The following SH3RF3 variants were observed in gnomAD, a reference collection of about 807,000 sequenced individuals.
The protein encoded by SH3RF3 is E3 ubiquitin-protein ligase SH3RF3.
Under a neutral mutation model 66.3 loss-of-function variants are expected in SH3RF3, and 29 were observed. That is an observed-to-expected ratio of 0.44 (90% CI 0.33 to 0.60). SH3RF3 has a LOEUF of 0.60. Ranked by LOEUF, SH3RF3 falls within the 20% of genes least tolerant of loss-of-function variation. The probability of loss-of-function intolerance (pLI) is 0.04; values close to 1 mark genes in which losing one functional copy is unlikely to be tolerated. For missense variants in SH3RF3, 1,194 were observed against 1,190.9 expected, an observed-to-expected ratio of 1.00 and a Z score of -0.04; for synonymous variants, 583 against 532.0, an observed-to-expected ratio of 1.10 and a Z score of -1.32.
chr2:109,347,566 C>T (rs1181864850), intron 1 of SH3RF3, 108 bp from the exon 2 acceptor site: 1 of 1,445,938 alleles, frequency 6.9e-7, no homozygotes, highest in Non-Finnish European at 9.3e-7. Context: ...TGTATGCACC[C>T]CCAGGACACA....
At chr2:109,442,449 A>G (rs1396569618) in intron 7 of SH3RF3, among the ~76,000 whole-genome samples, 1 of 152,218 alleles carries the variant, frequency 6.6e-6, no homozygotes, top group East Asian at 1.9e-4. Context: ...AACTACATAG[A>G]TAAATATATA....
intron 1 of SH3RF3, among the ~76,000 whole-genome samples, chr2:109,334,697 A>G (rs72939583): frequency 0.026 from 3,998 of 152,318 alleles, 121 homozygotes; most frequent in African/African-American, 0.065. Context: ...AGACACAGGG[A>G]GAAAAAGCTG....
At chr2:109,223,488 C>T (rs1442772288) in intron 1 of SH3RF3, among the ~76,000 whole-genome samples, 1 of 152,214 alleles carries the variant, frequency 6.6e-6, no homozygotes. Context: ...CTGCCCATGT[C>T]AGTCCTAGGT....
rs148709667 is a variant in SH3RF3 at position 109,129,714 on chromosome 2, C to T, written c.174C>T (p.Ser58=). 1,626 of 1,537,260 alleles carry T rather than the reference C, an allele frequency of 1.1e-3. 6 individuals are homozygous for T. Among genetic ancestry groups the T allele is most frequent in the South Asian group, 3.8e-3 (318 of 83,120 alleles). The stretch of plus-strand genomic sequence containing the variant: ...CGCTGCTGGACCTGCTGGAGTGCTC[C>T]GTGTGTCTGGAGCGCCTGGACACCA... ...ESSLLDLLEC[S]VCLERLDTTA... Residue 58 remains serine (S), a synonymous_variant, in exon 1 of 10, where the codon TCC becomes TCT. Coordinates refer to ENST00000309415, the MANE Select transcript of SH3RF3 (RefSeq NM_001099289.3).
intron 1 of SH3RF3, among the ~76,000 whole-genome samples, chr2:109,340,281 C>A (rs1360202622): frequency 2.6e-5 from 4 of 152,124 alleles, no homozygotes; most frequent in Non-Finnish European, 1.5e-5. Flanking sequence ...GCCAAGCTCA[C>A]AGGGTTGCTG....
At chr2:109,130,518 C>T (rs1252494704) in intron 1 of SH3RF3, among the ~76,000 whole-genome samples, 2 of 152,172 alleles carry the variant, frequency 1.3e-5, no homozygotes, top group Admixed American at 6.5e-5. Flanking sequence ...ACGTTTCTGA[C>T]AGGGCTCTGA....
chr2:109,317,453 G>GC (rs1284776507), intron 1 of SH3RF3, among the ~76,000 whole-genome samples: 1 of 151,984 alleles, frequency 6.6e-6, no homozygotes, highest in Non-Finnish European at 1.5e-5. Context: ...GGGAGGCCCA[G>GC]CCCCCCACCC....
At chr2:109,477,745 C>T (rs1435289730) in intron 8 of SH3RF3, among the ~76,000 whole-genome samples, 1 of 152,086 alleles carries the variant, frequency 6.6e-6, no homozygotes, top group Non-Finnish European at 1.5e-5. Flanking sequence ...GGACTGGCTT[C>T]CTGGTTCATA....
At chr2:109,348,006 G>A (rs1682756450) in intron 2 of SH3RF3, 57 bp downstream of exon 2, 13 of 1,538,060 alleles carry the variant, frequency 8.5e-6, no homozygotes, top group Non-Finnish European at 1.1e-5. Context: ...TGCCACCCAG[G>A]GCTCTTCCCA....
intron 1 of SH3RF3, among the ~76,000 whole-genome samples, chr2:109,346,605 G>A (rs574138257): frequency 1.5e-5 from 2 of 130,362 alleles, no homozygotes; most frequent in Non-Finnish European, 3.2e-5. Flanking sequence ...AAGGAGAGAG[G>A]CCCATGAGGC....
chr2:109,215,252 G>A (rs914969960), intron 1 of SH3RF3, among the ~76,000 whole-genome samples: 4 of 152,166 alleles, frequency 2.6e-5, no homozygotes, highest in Non-Finnish European at 4.4e-5. Context: ...AGAGGAAACT[G>A]GAGGGTAGGG....
At chr2:109,353,607 TG>T (rs1018205200) in intron 2 of SH3RF3, among the ~76,000 whole-genome samples, 1 of 152,172 alleles carries the variant, frequency 6.6e-6, no homozygotes, top group African/African-American at 2.4e-5. Context: ...GCAGGCCTGC[TG>T]GGTGAGAGTG....
chr2:109,367,323 C>A (rs1683171464), intron 2 of SH3RF3, among the ~76,000 whole-genome samples: 1 of 151,646 alleles, frequency 6.6e-6, no homozygotes, highest in South Asian at 2.1e-4. Context: ...CTCTTGCCAC[C>A]CAGGCTGGAG....
chr2:109,492,857 G>C (rs984878411), intron 9 of SH3RF3, among the ~76,000 whole-genome samples: 1 of 152,084 alleles, frequency 6.6e-6, no homozygotes, highest in East Asian at 1.9e-4. Context: ...TCCAGGGGCT[G>C]CACCATTGTT....
chr2:109,131,271 G>T (rs978208104), intron 1 of SH3RF3, among the ~76,000 whole-genome samples: 1 of 152,102 alleles, frequency 6.6e-6, no homozygotes, highest in Non-Finnish European at 1.5e-5. Flanking sequence ...TATGGATCAG[G>T]AAGAATGGGG....
chr2:109,329,612 G>A (rs1682238365), intron 1 of SH3RF3, among the ~76,000 whole-genome samples: 1 of 152,214 alleles, frequency 6.6e-6, no homozygotes, highest in African/African-American at 2.4e-5. Flanking sequence ...GAGCTGACAG[G>A]CCTCCCTCAA....
intron 1 of SH3RF3, among the ~76,000 whole-genome samples, chr2:109,299,435 C>G (rs919228773): frequency 6.6e-6 from 1 of 151,662 alleles, no homozygotes; most frequent in Non-Finnish European, 1.5e-5. Context: ...TAAGATCACC[C>G]TAAGGGTGAT....
At chr2:109,248,268 T>C (rs968286603) in intron 1 of SH3RF3, among the ~76,000 whole-genome samples, 6 of 152,248 alleles carry the variant, frequency 3.9e-5, no homozygotes, top group African/African-American at 1.4e-4. Flanking sequence ...TCTCAATCTT[T>C]TTCTTTTCTG....
At chr2:109,302,764 CT>C (rs1236129068) in intron 1 of SH3RF3, among the ~76,000 whole-genome samples, 20 of 152,168 alleles carry the variant, frequency 1.3e-4, no homozygotes, top group Admixed American at 2.0e-4. Context: ...GACATTTCAC[CT>C]GCCTCTCGGA....
Sources: allele counts gnomAD v4.1 joint callset (sites outside exome capture counted in the v4.1 genomes callset), GRCh38; gene constraint gnomAD v4.1.1; transcripts MANE v1.5; gene names NCBI Gene and HGNC (gene_info 2026-07-23, HGNC 2026-07-21).